The following ARHGAP10 variants were observed in gnomAD, a reference collection of about 807,000 sequenced individuals.
ARHGAP10 encodes Rho GTPase activating protein 10, also known as rho GTPase-activating protein 10.
ARHGAP10 carries 87 observed loss-of-function variants against 108.6 expected under a neutral mutation model. The observed-to-expected ratio is 0.80, with a 90% confidence interval of 0.67 to 0.96. The LOEUF is 0.96. Ranked by LOEUF, ARHGAP10 falls within the 40% of genes least tolerant of loss-of-function variation. ARHGAP10 has a pLI of 0.00. For synonymous variants in ARHGAP10, 347 were observed against 341.1 expected (o/e 1.02, Z -0.19); for missense variants, 939 against 954.5 (o/e 0.98, Z 0.21).
intron 18 of ARHGAP10, among the ~76,000 whole-genome samples, chr4:147,978,769 T>C (rs980742926): frequency 6.6e-6 from 1 of 152,156 alleles, no homozygotes; most frequent in African/African-American, 2.4e-5. Flanking sequence ...CTAATACAGA[T>C]GGTATCTCAT....
intron 1 of ARHGAP10, among the ~76,000 whole-genome samples, chr4:147,734,525 G>A (rs1391405825): frequency 6.6e-6 from 1 of 152,130 alleles, no homozygotes; most frequent in African/African-American, 2.4e-5. Flanking sequence ...GAACACAGCT[G>A]TAGCTCACAT....
Position 147,799,571 on chromosome 4 carries a change from AT to A in ARHGAP10, c.155-23148del, listed in dbSNP as rs533056271. Among the ~76,000 whole-genome samples the A allele has an allele frequency of 7.5e-4, 114 of 151,870 alleles. 1 individual carries two copies. The highest frequency in any genetic ancestry group is 4.6e-3 in the South Asian group (22 of 4,798). On this transcript the variant is annotated intron_variant, in intron 1 of 22. Transcript: ENST00000336498. The stretch of plus-strand genomic sequence containing the variant: ...CTGTTGTCTTTCCTCAAGTTCAGTG[AT>A]TTTTTTTATCCTGTCATTTTCATCC...
At chr4:147,775,369 G>A (rs1198493006) in intron 1 of ARHGAP10, among the ~76,000 whole-genome samples, 1 of 152,202 alleles carries the variant, frequency 6.6e-6, no homozygotes, top group African/African-American at 2.4e-5. Context: ...AATGGAGGTG[G>A]TCTGTCTGCA....
intron 4 of ARHGAP10, among the ~76,000 whole-genome samples, chr4:147,857,099 G>A (rs1041715702): frequency 2.0e-5 from 3 of 152,180 alleles, no homozygotes; most frequent in African/African-American, 4.8e-5. Context: ...TGATCCGCCC[G>A]TCTTGGCCTC....
At chr4:147,961,290 G>A (rs1002469877) in intron 16 of ARHGAP10, among the ~76,000 whole-genome samples, 2 of 152,110 alleles carry the variant, frequency 1.3e-5, no homozygotes, top group Admixed American at 6.5e-5. Flanking sequence ...CTGTTTCACC[G>A]ATATAGGTTT....
intron 13 of ARHGAP10, among the ~76,000 whole-genome samples, chr4:147,913,627 A>G (rs928612072): frequency 3.3e-5 from 5 of 152,044 alleles, no homozygotes; most frequent in East Asian, 3.9e-4. Flanking sequence ...ATAAGGGCCT[A>G]TTAGATTAGG....
In ARHGAP10 at chr4:148,062,310, A is replaced by G. The variant is rs374185126; in HGVS notation, c.2028-838A>G. Among the ~76,000 whole-genome samples, 13 of 152,304 alleles carry G rather than the reference A, an allele frequency of 8.5e-5. No individual in the cohort carries two copies. The East Asian group carries it at 2.1e-3, about 25-fold the overall frequency. ...CTGAGGAGTGCAGAAGCCTCGGGAAACTGCTCGTGGAAACTGGTGTACTGG... is the reference window on the plus strand; with the variant it reads ...CTGAGGAGTGCAGAAGCCTCGGGAAGCTGCTCGTGGAAACTGGTGTACTGG... On this transcript the variant is annotated intron_variant, in intron 20 of 22. Coordinates refer to ENST00000336498, the MANE Select transcript of ARHGAP10 (RefSeq NM_024605.4).
At chr4:147,815,064 G>C (rs1388590009) in intron 1 of ARHGAP10, among the ~76,000 whole-genome samples, 1 of 152,174 alleles carries the variant, frequency 6.6e-6, no homozygotes, top group Non-Finnish European at 1.5e-5. Context: ...TGAGACTTCT[G>C]AGTCTCACTA....
chr4:147,919,456 G>C (rs1433734975), intron 13 of ARHGAP10, among the ~76,000 whole-genome samples: 2 of 152,144 alleles, frequency 1.3e-5, no homozygotes, highest in African/African-American at 2.4e-5. Context: ...ATACATACCG[G>C]CTCTACCACT....
chr4:147,922,456 G>A (rs1737282555), intron 13 of ARHGAP10, among the ~76,000 whole-genome samples: 1 of 151,418 alleles, frequency 6.6e-6, no homozygotes, highest in Non-Finnish European at 1.5e-5. Context: ...TTGGGAGGCC[G>A]AGGCGGGCGG....
chr4:147,940,075 C>G (rs1050740990), intron 14 of ARHGAP10, among the ~76,000 whole-genome samples, 176 bp downstream of exon 14: 3 of 152,186 alleles, frequency 2.0e-5, no homozygotes, highest in Admixed American at 6.5e-5. Context: ...GTATTTGCAT[C>G]AGCATAGATT....
chr4:147,955,499 A>G (rs1282535503), intron 16 of ARHGAP10, 125 bp downstream of exon 16: 4 of 817,840 alleles, frequency 4.9e-6, no homozygotes, highest in Admixed American at 2.3e-5. Flanking sequence ...ATCGCTTTAA[A>G]TGATGTTTGG....
At chr4:148,022,338 C>A (rs1205561904) in intron 18 of ARHGAP10, among the ~76,000 whole-genome samples, 2 of 152,194 alleles carry the variant, frequency 1.3e-5, no homozygotes, top group Non-Finnish European at 2.9e-5. Context: ...TTAAAGCTGG[C>A]TGGCTTTCTT....
rs1741103110 is a variant in ARHGAP10 at position 148,009,870 on chromosome 4, A to G, written c.1717-13393A>G. On this transcript the variant is annotated intron_variant, in intron 18 of 22. Coordinates refer to ENST00000336498, the MANE Select transcript of ARHGAP10 (RefSeq NM_024605.4). Reference sequence around the variant, plus strand: ...TCCTTTTGGGACCTCAAGTGTTGGAAGCGTAGGTGACTTTATTCAGAACGT... The same window carrying G: ...TCCTTTTGGGACCTCAAGTGTTGGAGGCGTAGGTGACTTTATTCAGAACGT... Among the ~76,000 whole-genome samples the G allele has an allele frequency of 2.6e-5, 4 of 152,292 alleles. No homozygotes were observed. In the South Asian group the frequency reaches 8.3e-4, roughly 32 times the overall value.
intron 16 of ARHGAP10, among the ~76,000 whole-genome samples, chr4:147,960,498 A>G (rs555508258): frequency 6.6e-6 from 1 of 152,344 alleles, no homozygotes; most frequent in Non-Finnish European, 1.5e-5. Context: ...GTGATACATT[A>G]AATAAAATAG....
At chr4:147,935,606 CATG>C (rs1270561403) in intron 13 of ARHGAP10, among the ~76,000 whole-genome samples, 1 of 152,168 alleles carries the variant, frequency 6.6e-6, no homozygotes, top group Non-Finnish European at 1.5e-5. Flanking sequence ...TGGAAAAGGA[CATG>C]ATAAACTCAC....
intron 1 of ARHGAP10, among the ~76,000 whole-genome samples, chr4:147,779,401 T>G (rs1330983057): frequency 6.6e-6 from 1 of 152,152 alleles, no homozygotes; most frequent in Non-Finnish European, 1.5e-5. Flanking sequence ...GGGAAGCCAT[T>G]GACAAATTTT....
intron 10 of ARHGAP10, among the ~76,000 whole-genome samples, chr4:147,896,059 T>G (rs1735982895): frequency 1.3e-5 from 2 of 152,246 alleles, no homozygotes; most frequent in Non-Finnish European, 2.9e-5. Context: ...TTTCTGAGAT[T>G]AAACTCTACT....
At chr4:147,924,719 T>A (rs943100661) in intron 13 of ARHGAP10, among the ~76,000 whole-genome samples, 3 of 150,868 alleles carry the variant, frequency 2.0e-5, no homozygotes, top group African/African-American at 7.4e-5. Flanking sequence ...TTGATTGTAA[T>A]CTCAGTTTTA....
Sources: allele counts gnomAD v4.1 joint callset (sites outside exome capture counted in the v4.1 genomes callset), GRCh38; gene constraint gnomAD v4.1.1; transcripts MANE v1.5; gene names NCBI Gene and HGNC (gene_info 2026-07-23, HGNC 2026-07-21).